The following WIPF3 variants were observed in gnomAD, a reference collection of about 807,000 sequenced individuals.
The protein encoded by WIPF3 is WAS/WASL interacting protein family member 3, also known as WAS/WASL-interacting protein family member 3.
Under a neutral mutation model 38.9 loss-of-function variants are expected in WIPF3, and 33 were observed. The observed-to-expected ratio is 0.85, with a 90% CI of 0.64 to 1.14. The LOEUF (loss-of-function observed/expected upper bound fraction) is 1.14, where lower values mean the gene tolerates loss of function less well. WIPF3 is among the 50% of genes most tolerant of loss of function. The pLI is 0.00. For synonymous variants in WIPF3, 324 were observed against 269.3 expected, an observed-to-expected ratio of 1.20 and a Z score of -1.99; for missense variants, 711 against 652.5, an observed-to-expected ratio of 1.09 and a Z score of -0.98.
rs1352798767 is a variant in WIPF3 at position 29,844,086 on chromosome 7, T to C, written c.90+9272T>C. Among the ~76,000 whole-genome samples the C allele has an allele frequency of 6.6e-6, 1 of 152,116 alleles. No homozygotes were observed. Among genetic ancestry groups the C allele is most frequent in the African/African-American group, 2.4e-5 (1 of 41,440 alleles). ...AGAAAAACAGGATACATGTAGACAG[T>C]GTAGTCCCAATTACGTAAAAGAAAA... On this transcript the variant is annotated intron_variant, in intron 2 of 8. Transcript: ENST00000242140. The surrounding 1 kb of genome is among the most constrained non-coding windows in gnomAD (Gnocchi z 4.8).
chr7:29,870,663 T>C (rs574125467), intron 2 of WIPF3, among the ~76,000 whole-genome samples: 1 of 152,308 alleles, frequency 6.6e-6, no homozygotes, highest in African/African-American at 2.4e-5. Flanking sequence ...CCCCTCATTT[T>C]GCTTTACCTC....
At chr7:29,862,165 A>G (rs1785295775) in intron 2 of WIPF3, among the ~76,000 whole-genome samples, 1 of 152,076 alleles carries the variant, frequency 6.6e-6, no homozygotes, top group Non-Finnish European at 1.5e-5. Context: ...CCCAGAACAC[A>G]TCCATTTAGA....
chr7:29,858,837 A>T (rs1366880655), intron 2 of WIPF3, among the ~76,000 whole-genome samples: 5 of 152,222 alleles, frequency 3.3e-5, no homozygotes, highest in Non-Finnish European at 5.9e-5. Flanking sequence ...TAAGTATACC[A>T]GTGGGCCCCT....
chr7:29,829,950 T>A (rs1784690070), intron 1 of WIPF3, among the ~76,000 whole-genome samples: 1 of 152,236 alleles, frequency 6.6e-6, no homozygotes, highest in Non-Finnish European at 1.5e-5. Context: ...TAAATACACT[T>A]CAGAGCAAAA....
chr7:29,810,474 G>GTGAA (rs55728973), intron 1 of WIPF3, among the ~76,000 whole-genome samples: 6,894 of 151,824 alleles, frequency 0.045, 184 homozygotes, highest in Middle Eastern at 0.11. Flanking sequence ...AATTGTGTGA[G>GTGAA]TGAATGAATG....
intron 1 of WIPF3, among the ~76,000 whole-genome samples, chr7:29,818,232 C>G (rs1319541731): frequency 6.6e-6 from 1 of 151,980 alleles, no homozygotes; most frequent in African/African-American, 2.4e-5. Flanking sequence ...TGGGGTGGAT[C>G]ACCTGAGGTC....
chr7:29,858,461 C>T (rs1785224107), intron 2 of WIPF3, among the ~76,000 whole-genome samples: 1 of 152,222 alleles, frequency 6.6e-6, no homozygotes, highest in Non-Finnish European at 1.5e-5. Context: ...TAGCCTCAAT[C>T]AGCAGGCCTA....
intron 1 of WIPF3, among the ~76,000 whole-genome samples, chr7:29,834,159 A>C (rs1340903376): frequency 6.6e-6 from 1 of 152,228 alleles, no homozygotes; most frequent in Non-Finnish European, 1.5e-5. Context: ...AAGAGGCAGG[A>C]AAATGACTAG....
chr7:29,884,274 C>T lies in WIPF3; in HGVS notation c.780C>T (p.Ile260=), dbSNP rs1178824205. 9.0e-7 allele frequency: 1 copy of T among 1,111,314 alleles called. No individual in the cohort carries two copies. Among genetic ancestry groups the T allele is most frequent in the Admixed American group, 2.3e-5 (1 of 44,306 alleles). 68.8% of individuals were successfully genotyped at this position (1,111,314 alleles called of 1,614,324 possible). The change falls in exon 5 of 9, where the codon ATC becomes ATT. Residue 260 remains isoleucine, a synonymous_variant. Coordinates refer to ENST00000242140, the MANE Select transcript of WIPF3 (RefSeq NM_001080529.3). The part of the protein sequence containing the change: ...PQLAPLHLPP[I]PPPLPLLPPC... The stretch of plus-strand genomic sequence containing the variant: ...TGGCTCCCTTGCACCTCCCGCCCAT[C>T]CCGCCCCCGCTCCCTCTGCTCCCAC...
rs1008980438 is a variant in WIPF3, at chr7:29,907,563, G to C, written c.1428+3201G>C. 1.1e-4 allele frequency among the ~76,000 whole-genome samples: 16 copies of C among 152,010 alleles called. 1 individual carries two copies. Among genetic ancestry groups the C allele is most frequent in the Admixed American group, 7.9e-4 (12 of 15,282 alleles). ...CAGTATTAAAAAAGTTGGGCCTTTG[G>C]GGAGGTGATAAACCATGAGGGCAGA... On this transcript the variant is annotated intron_variant, in intron 8 of 8. Transcript: ENST00000242140.
At chr7:29,859,646 A>C (rs1562779530) in intron 2 of WIPF3, among the ~76,000 whole-genome samples, 2 of 152,130 alleles carry the variant, frequency 1.3e-5, no homozygotes. Flanking sequence ...CTGAAATTGC[A>C]GAAGTCTTTG....
intron 7 of WIPF3, among the ~76,000 whole-genome samples, chr7:29,901,570 C>T (rs936820009): frequency 2.6e-5 from 4 of 151,474 alleles, no homozygotes; most frequent in Non-Finnish European, 5.9e-5. Context: ...GTGGGCGGAT[C>T]GCTTGAGCTC....
chr7:29,902,412 C>T (rs1300695235), intron 7 of WIPF3, among the ~76,000 whole-genome samples: 1 of 151,834 alleles, frequency 6.6e-6, no homozygotes, highest in Non-Finnish European at 1.5e-5. Context: ...TTACAGTGTC[C>T]ATTTGATTAA....
chr7:29,830,363 A>T (rs1213330154), intron 1 of WIPF3, among the ~76,000 whole-genome samples: 1 of 152,126 alleles, frequency 6.6e-6, no homozygotes, highest in Non-Finnish European at 1.5e-5. Flanking sequence ...TGCAAAATGG[A>T]AGCAGGGATA....
intron 2 of WIPF3, among the ~76,000 whole-genome samples, chr7:29,835,320 C>T (rs904109654): frequency 6.6e-6 from 1 of 152,040 alleles, no homozygotes; most frequent in Admixed American, 6.5e-5. Flanking sequence ...TATTTCAGTT[C>T]GTGTTGCTGA....
chr7:29,816,626 G>A (rs1343131658), intron 1 of WIPF3, among the ~76,000 whole-genome samples: 2 of 152,072 alleles, frequency 1.3e-5, no homozygotes, highest in Admixed American at 1.3e-4. Flanking sequence ...CTGCCCAGCT[G>A]CAAACTCATT....
intron 1 of WIPF3, among the ~76,000 whole-genome samples, chr7:29,807,774 C>T (rs1176776209): frequency 6.6e-6 from 1 of 152,170 alleles, no homozygotes; most frequent in African/African-American, 2.4e-5. Flanking sequence ...TGTCTCTTCG[C>T]CTCTGTGCCT....
intron 1 of WIPF3, among the ~76,000 whole-genome samples, chr7:29,809,784 T>C (rs931912222): frequency 3.9e-5 from 6 of 152,190 alleles, no homozygotes; most frequent in Admixed American, 3.9e-4. Flanking sequence ...GGAGGTAAAC[T>C]AAAGCAGAGT....
Position 29,834,523 on chromosome 7 carries a change from G to A in WIPF3, c.-57-145G>A, listed in dbSNP as rs917174777. 5 of 775,032 alleles carry A rather than the reference G, an allele frequency of 6.5e-6. No individual in the cohort carries two copies. The Admixed American group carries it at 2.1e-4, about 32-fold the overall frequency. The allele number at this position is 775,032 out of a possible 1,614,324, so 48.0% of individuals were successfully genotyped here. A position where few individuals can be genotyped will look rare whatever the true frequency, so the allele number is the denominator to read the frequency against. On this transcript the variant is annotated intron_variant, in intron 1 of 8. Coordinates refer to ENST00000242140, the MANE Select transcript of WIPF3 (RefSeq NM_001080529.3). ...AAGCTTGCCTCAGAGTGGGCACTCT[G>A]TGAATAAATGAATGAACAAATGAGT... is the stretch of plus-strand genomic sequence containing the variant.
Sources: gnomAD v4.1 joint callset for allele counts (sites outside exome capture counted in the v4.1 genomes callset) on GRCh38, gnomAD v4.1.1 for gene constraint, Gnocchi (gnomAD v3.1) non-coding constraint, MANE v1.5 for transcripts, NCBI Gene and HGNC (gene_info 2026-07-23, HGNC 2026-07-21) for gene names.